The following DLG2 variants were observed in gnomAD, a reference collection of about 807,000 sequenced individuals.
The protein encoded by DLG2 is disks large homolog 2.
DLG2 carries 45 observed loss-of-function variants against 132.5 expected under a neutral mutation model. That is an observed-to-expected ratio of 0.34 (90% CI 0.27 to 0.44). DLG2 has a LOEUF of 0.44. DLG2 is among the 20% of genes least tolerant of loss of function. The pLI is 1.00. For missense variants in DLG2, 1,045 were observed against 1,196.9 expected, an observed-to-expected ratio of 0.87 and a Z score of 1.87; for synonymous variants, 424 against 419.6, an observed-to-expected ratio of 1.01 and a Z score of -0.13.
chr11:84,600,870 C>T (rs932230860), intron 6 of DLG2, among the ~76,000 whole-genome samples: 7 of 152,026 alleles, frequency 4.6e-5, no homozygotes, highest in African/African-American at 1.7e-4. Context: ...ACAACTTATC[C>T]CTCAAAACTG....
intron 11 of DLG2, among the ~76,000 whole-genome samples, chr11:84,011,695 T>A (rs1404249746): frequency 6.6e-6 from 1 of 152,020 alleles, no homozygotes; most frequent in Non-Finnish European, 1.5e-5. Context: ...AAAAGCTTAG[T>A]CCTTCAGTGA....
At chr11:84,476,044 C>T (rs974326686) in intron 7 of DLG2, among the ~76,000 whole-genome samples, 1 of 152,084 alleles carries the variant, frequency 6.6e-6, no homozygotes, top group African/African-American at 2.4e-5. Context: ...TCTTTATGCA[C>T]CCTGTACTTC....
chr11:83,597,786 AAAAC>A (rs56172449), intron 19 of DLG2, among the ~76,000 whole-genome samples: 49,316 of 150,812 alleles, frequency 0.33, 9,144 homozygotes, highest in Admixed American at 0.48. Context: ...TCCCTGTCTC[AAAAC>A]AAACAAACAA....
Position 84,671,363 on chromosome 11 carries a change from A to G in DLG2, c.358-136632T>C, listed in dbSNP as rs562992095. On this transcript the variant is annotated intron_variant, in intron 6 of 27. Coordinates refer to ENST00000376104, the MANE Select transcript of DLG2 (RefSeq NM_001142699.3). ...GGCAGTCATCTCATCTAGGCCTACC[A>G]AAGTGCTGGAATTACAAGTGTGAGC... 7.7e-3 allele frequency among the ~76,000 whole-genome samples: 1,175 copies of G among 152,162 alleles called. 3 individuals carry two copies. Among genetic ancestry groups the G allele is most frequent in the South Asian group, 0.021 (101 of 4,814 alleles).
chr11:83,751,579 G>C (rs1484487973), intron 18 of DLG2, among the ~76,000 whole-genome samples: 1 of 152,168 alleles, frequency 6.6e-6, no homozygotes, highest in Non-Finnish European at 1.5e-5. Flanking sequence ...CTAAGAAATA[G>C]TCAAGCCCTG....
rs398016925 is a variant in DLG2 at position 83,819,469 on chromosome 11, C to CAA, written c.1722+14143_1722+14144dup. Reference sequence around the variant, plus strand: ...TGGGAGACAGAGCAAGACTCTATCTCAAAAAAAAAAAAAAAAAAAAAAAGA... The same window carrying CAA: ...TGGGAGACAGAGCAAGACTCTATCTCAAAAAAAAAAAAAAAAAAAAAAAAAGA... On this transcript the variant is annotated intron_variant, in intron 17 of 27. Coordinates refer to ENST00000376104, the MANE Select transcript of DLG2 (RefSeq NM_001142699.3). Among the ~76,000 whole-genome samples the CAA allele has an allele frequency of 8.3e-3, 232 of 28,014 alleles. 5 individuals carry two copies. Among genetic ancestry groups the CAA allele is most frequent in the Middle Eastern group, 0.045 (1 of 22 alleles). The allele number at this position is 28,014 out of a possible 152,430, so 18.4% of individuals were successfully genotyped here. A position where few individuals can be genotyped will look rare whatever the true frequency, so the allele number is the denominator to read the frequency against.
chr11:84,321,775 C>T (rs1248699465), intron 7 of DLG2, among the ~76,000 whole-genome samples: 1 of 152,168 alleles, frequency 6.6e-6, no homozygotes, highest in East Asian at 1.9e-4. Context: ...TACTTCCAAC[C>T]AGATTGCCAT....
chr11:85,150,890 C>T (rs1225073885), intron 5 of DLG2, among the ~76,000 whole-genome samples: 3 of 152,002 alleles, frequency 2.0e-5, no homozygotes, highest in Non-Finnish European at 4.4e-5. Context: ...TGGATATTTA[C>T]CCAGAGGTGG....
At chr11:83,989,107 C>A (rs1237177428) in intron 11 of DLG2, among the ~76,000 whole-genome samples, 2 of 152,080 alleles carry the variant, frequency 1.3e-5, no homozygotes, top group Admixed American at 1.3e-4. Flanking sequence ...AAAGTCCCCC[C>A]TTAAAGATGA....
intron 3 of DLG2, 113 bp from the exon 4 acceptor site, chr11:85,285,478 C>A: frequency 1.1e-6 from 1 of 905,154 alleles, no homozygotes; most frequent in African/African-American, 1.7e-5. Flanking sequence ...AAAAGAACTG[C>A]ATAAATATAT....
At chr11:84,917,687 C>T (rs962400814) in intron 6 of DLG2, among the ~76,000 whole-genome samples, 1 of 152,108 alleles carries the variant, frequency 6.6e-6, no homozygotes, top group African/African-American at 2.4e-5. Context: ...GTTCAATGTG[C>T]TGTTTTATCC....
chr11:83,732,112 C>T (rs1431506842), intron 18 of DLG2, among the ~76,000 whole-genome samples: 2 of 151,910 alleles, frequency 1.3e-5, no homozygotes, highest in African/African-American at 4.8e-5. Flanking sequence ...TGATTAATTT[C>T]GATCTAGTTA....
intron 11 of DLG2, among the ~76,000 whole-genome samples, chr11:83,988,264 T>G (rs2093469626): frequency 6.6e-6 from 1 of 152,192 alleles, no homozygotes; most frequent in Non-Finnish European, 1.5e-5. Flanking sequence ...ATTATAGTTT[T>G]GGCTTTTATA....
chr11:85,517,572 A>G (rs1051863183), intron 3 of DLG2, among the ~76,000 whole-genome samples: 16 of 152,206 alleles, frequency 1.1e-4, no homozygotes, highest in Admixed American at 4.6e-4. Flanking sequence ...TGTTCAGGAT[A>G]CAAAATCAAT....
chr11:85,092,910 G>T (rs992530715), intron 6 of DLG2, among the ~76,000 whole-genome samples: 4 of 152,070 alleles, frequency 2.6e-5, no homozygotes, highest in African/African-American at 9.7e-5. Flanking sequence ...CAAAGTGCTG[G>T]GATTACAGGC....
intron 2 of DLG2, among the ~76,000 whole-genome samples, chr11:85,610,272 G>C (rs1216112495): frequency 6.6e-6 from 1 of 152,178 alleles, no homozygotes; most frequent in Non-Finnish European, 1.5e-5. Context: ...CCCAATTCTA[G>C]GAGTACAAAA....
intron 3 of DLG2, among the ~76,000 whole-genome samples, chr11:85,398,093 G>C (rs2087601310): frequency 1.3e-5 from 2 of 152,180 alleles, no homozygotes; most frequent in Admixed American, 6.6e-5. Context: ...AGACCACAGT[G>C]CAATCAAATC....
intron 17 of DLG2, among the ~76,000 whole-genome samples, chr11:83,826,631 G>C (rs2052864505): frequency 6.6e-6 from 1 of 152,128 alleles, no homozygotes; most frequent in Non-Finnish European, 1.5e-5. Context: ...AAGGCAATAA[G>C]CTTTTACCTC....
At chr11:85,435,231 A>G (rs2091413031) in intron 3 of DLG2, among the ~76,000 whole-genome samples, 1 of 152,206 alleles carries the variant, frequency 6.6e-6, no homozygotes, top group South Asian at 2.1e-4. Context: ...CAAAAGCTGG[A>G]AGCATTCCCT....
Sources: gnomAD v4.1 joint callset for allele counts (sites outside exome capture counted in the v4.1 genomes callset) on GRCh38, gnomAD v4.1.1 for gene constraint, MANE v1.5 for transcripts, NCBI Gene and HGNC (gene_info 2026-07-23, HGNC 2026-07-21) for gene names.